Variants in HMGN5 observed in about 807,000 individuals in gnomAD.
HMGN5 encodes the protein high mobility group nucleosome-binding domain-containing protein 5.
Under a neutral mutation model 9.5 loss-of-function variants are expected in HMGN5, and 4 were observed. The observed-to-expected ratio is 0.42, with a 90% CI of 0.21 to 0.96. The LOEUF is 0.96. Ranked by LOEUF, HMGN5 falls within the 40% of genes least tolerant of loss-of-function variation. The pLI is 0.30. For missense variants in HMGN5, 192 were observed against 187.5 expected (o/e 1.02, Z -0.14); for synonymous variants, 55 against 57.1 (o/e 0.96, Z 0.16).
At chrX:81,124,506 T>C (rs1410984559) in intron 1 of HMGN5, among the ~76,000 whole-genome samples, 3 of 112,457 alleles carry the variant, frequency 2.7e-5, no homozygotes, top group Non-Finnish European at 3.8e-5. Flanking sequence ...GTACTACTCA[T>C]AGGACACAAG....
At position 81,181,495 on chromosome X, in the gene HMGN5, T is replaced by A. The variant is rs183805725; in HGVS notation, c.-124+20242A>T. Among the ~76,000 whole-genome samples, 944 of 111,496 alleles carry A rather than the reference T, an allele frequency of 8.5e-3. 9 individuals are homozygous for A. Among genetic ancestry groups the A allele is most frequent in the South Asian group, 0.029 (76 of 2,629 alleles). On this transcript the variant is annotated intron_variant, in intron 1 of 6. Transcript: ENST00000358130. ...TTTCAGTTTTTGAAAAAGGTATAAT[T>A]ATTTTTTACCATAGTCACACTGTTG...
At chrX:81,135,606 T>C (rs924370067) in intron 1 of HMGN5, among the ~76,000 whole-genome samples, 2 of 110,812 alleles carry the variant, frequency 1.8e-5, no homozygotes, top group Non-Finnish European at 3.8e-5. Flanking sequence ...TTTTATTTCA[T>C]ATATGTGAAA....
At chrX:81,178,387 G>A (rs781457982) in intron 1 of HMGN5, among the ~76,000 whole-genome samples, 3 of 111,354 alleles carry the variant, frequency 2.7e-5, no homozygotes, top group Non-Finnish European at 3.8e-5. Context: ...TATCACCACC[G>A]ATCCCACAGA....
At chrX:81,164,059 G>A (rs1456715262) in intron 1 of HMGN5, among the ~76,000 whole-genome samples, 2 of 111,814 alleles carry the variant, frequency 1.8e-5, no homozygotes, top group African/African-American at 6.5e-5. Flanking sequence ...TGCAAAAGCA[G>A]ATAGATGCCC....
chrX:81,161,066 T>A (rs1310332593), intron 1 of HMGN5, among the ~76,000 whole-genome samples: 1 of 109,187 alleles, frequency 9.2e-6, no homozygotes, highest in Non-Finnish European at 1.9e-5. Flanking sequence ...GATGGCATGA[T>A]AATGCATCTA....
intron 1 of HMGN5, among the ~76,000 whole-genome samples, chrX:81,136,655 A>G (rs1250712260): frequency 1.8e-5 from 2 of 111,935 alleles, no homozygotes; most frequent in South Asian, 3.6e-4. Context: ...GAGCCAGAGG[A>G]AACAAACGGA....
intron 1 of HMGN5, among the ~76,000 whole-genome samples, chrX:81,157,819 A>T (rs752633986): frequency 1.5e-3 from 163 of 110,501 alleles, no homozygotes; most frequent in African/African-American, 5.1e-3. Flanking sequence ...TTGCTCTGTC[A>T]CCCAGGCTGG....
intron 1 of HMGN5, among the ~76,000 whole-genome samples, chrX:81,180,407 C>T (rs1419807181): frequency 1.8e-5 from 2 of 112,044 alleles, no homozygotes; most frequent in Non-Finnish European, 3.8e-5. Flanking sequence ...ACAGGCACTT[C>T]TCAAAAGAAG....
intron 1 of HMGN5, among the ~76,000 whole-genome samples, chrX:81,190,354 A>G (rs1340101615): frequency 9.0e-6 from 1 of 110,827 alleles, no homozygotes; most frequent in African/African-American, 3.3e-5. Context: ...TAAAGGGTAC[A>G]ATCTAATAGT....
intron 1 of HMGN5, among the ~76,000 whole-genome samples, chrX:81,162,938 C>T (rs1273710961): frequency 9.0e-6 from 1 of 111,448 alleles, no homozygotes. Flanking sequence ...CCCACATGCT[C>T]TTTTGAACAT....
At chrX:81,192,633 T>C (rs5959835) in intron 1 of HMGN5, among the ~76,000 whole-genome samples, 2,145 of 112,083 alleles carry the variant, frequency 0.019, 48 homozygotes, top group African/African-American at 0.065. Flanking sequence ...CGAAATACAT[T>C]CTTTAGTATT....
chrX:81,183,320 T>G (rs1288591180), intron 1 of HMGN5, among the ~76,000 whole-genome samples: 4 of 112,415 alleles, frequency 3.6e-5, no homozygotes, highest in Non-Finnish European at 1.9e-5. Context: ...TTTCAGAGAC[T>G]TGCTTGGCAG....
At chrX:81,174,021 T>C (rs2075434276) in intron 1 of HMGN5, among the ~76,000 whole-genome samples, 1 of 111,643 alleles carries the variant, frequency 9.0e-6, no homozygotes, top group African/African-American at 3.2e-5. Flanking sequence ...AGTTAGAAAT[T>C]TTTTTCTGTA....
chrX:81,152,052 C>A (rs1193612234), intron 1 of HMGN5, among the ~76,000 whole-genome samples: 1 of 111,680 alleles, frequency 9.0e-6, no homozygotes, highest in African/African-American at 3.3e-5. Context: ...TAGAAGAAAA[C>A]CTAGGCATTA....
intron 1 of HMGN5, among the ~76,000 whole-genome samples, chrX:81,188,298 A>ATTG (rs1456601749): frequency 3.9e-5 from 3 of 77,552 alleles, no homozygotes; most frequent in Admixed American, 3.0e-4. Context: ...TATTATTATT[A>ATTG]TTATTGTTAT....
chrX:81,158,639 C>G (rs1267243785), intron 1 of HMGN5, among the ~76,000 whole-genome samples: 2 of 112,257 alleles, frequency 1.8e-5, no homozygotes, highest in Non-Finnish European at 3.8e-5. Context: ...AGGATAGTTT[C>G]TTTTGCTGTG....
intron 3 of HMGN5, among the ~76,000 whole-genome samples, chrX:81,119,179 C>T (rs767895861): frequency 9.0e-6 from 1 of 111,297 alleles, no homozygotes; most frequent in African/African-American, 3.3e-5. Context: ...TTTTCACACT[C>T]AGTATATTTT....
intron 1 of HMGN5, among the ~76,000 whole-genome samples, chrX:81,138,286 T>C (rs1304744668): frequency 8.9e-6 from 1 of 111,925 alleles, no homozygotes; most frequent in Admixed American, 9.5e-5. Flanking sequence ...GCAAGACTGG[T>C]TGAACATTTG....
chrX:81,166,945 A>G (rs1389297283), intron 1 of HMGN5, among the ~76,000 whole-genome samples: 1 of 111,250 alleles, frequency 9.0e-6, no homozygotes, highest in Non-Finnish European at 1.9e-5. Flanking sequence ...CTTGGTCTTT[A>G]TTGTCTCCGA....
Sources: allele counts gnomAD v4.1 joint callset (sites outside exome capture counted in the v4.1 genomes callset), GRCh38; gene constraint gnomAD v4.1.1; transcripts MANE v1.5; gene names NCBI Gene and HGNC (gene_info 2026-07-23, HGNC 2026-07-21).